The following HTT variants were observed in gnomAD, a reference collection of about 807,000 sequenced individuals.
HTT encodes the protein huntington disease protein.
Under a neutral mutation model 362.3 loss-of-function variants are expected in HTT, and 104 were observed. That is an observed-to-expected ratio of 0.29 (90% CI 0.24 to 0.34). The LOEUF (loss-of-function observed/expected upper bound fraction) is 0.34, where lower values mean the gene tolerates loss of function less well. HTT is among the 10% of genes least tolerant of loss of function. HTT has a pLI of 1.00. For synonymous variants in HTT, 1,577 were observed against 1,548.7 expected (o/e 1.02, Z -0.43); for missense variants, 3,301 against 3,928.6 (o/e 0.84, Z 4.27).
Position 3,182,405 on chromosome 4 carries a change from G to C in HTT, c.4801G>C (p.Asp1601His). 6.2e-7 allele frequency: 1 copy of C among 1,614,126 alleles called. No individual in the cohort carries two copies. Among genetic ancestry groups the C allele is most frequent in the Non-Finnish European group, 8.5e-7 (1 of 1,179,938 alleles). The change falls in exon 37 of 67, where the codon GAC becomes CAC. Residue 1601 changes from aspartate (D) to histidine (H), a missense_variant. Asp to His is a moderately conservative substitution (Grantham distance 81). This residue lies in a region of HTT where 2,316 missense variants were observed against 2,658.5 expected (regional missense o/e 0.87). Coordinates refer to ENST00000355072, the MANE Select transcript of HTT (RefSeq NM_001388492.1). ...GCAGCAGTGCCACAAGGAGAATGAA[G>C]ACAAGTGGAAGCGACTGTCTCGACA... ...VLQQCHKENE[D>H]KWKRLSRQIA...
rs1194362163 is a variant in HTT, at chr4:3,199,846, C to T, written c.5483C>T (p.Thr1828Ile). The change falls in exon 41 of 67, where the codon ACC (threonine) becomes ATC (isoleucine). Residue 1828 changes from threonine (T) to isoleucine (I), a missense_variant. Thr to Ile is a moderately conservative substitution (Grantham distance 89, BLOSUM62 -1). Transcript: ENST00000355072. Reference sequence around the variant, plus strand: ...TTGCGGGCTCGTTCCATGATCACCACCCACCCGGCCCTGGTGCTGCTCTGG... The same window carrying T: ...TTGCGGGCTCGTTCCATGATCACCATCCACCCGGCCCTGGTGCTGCTCTGG... ...LNLRARSMIT[T>I]HPALVLLWCQ... The T allele has an allele frequency of 1.9e-6, 3 of 1,614,082 alleles. No individual in the cohort carries two copies. The highest frequency in any genetic ancestry group is 1.3e-5 in the African/African-American group (1 of 74,938).
intron 20 of HTT, 62 bp downstream of exon 20, chr4:3,136,029 C>A: frequency 1.6e-6 from 2 of 1,233,564 alleles, no homozygotes; most frequent in South Asian, 2.8e-5. Context: ...TGAGGCTTTC[C>A]TTGTGGAATT....
intron 37 of HTT, 25 bp from the exon 38 acceptor site, chr4:3,186,572 A>G (rs777254350): frequency 3.1e-6 from 5 of 1,609,648 alleles, no homozygotes; most frequent in Non-Finnish European, 4.2e-6. Flanking sequence ...TTACGTAGAA[A>G]TGTTTGTGGT....
Position 3,229,892 on chromosome 4 carries a change from A to G in HTT, c.8115A>G (p.Leu2705=), listed in dbSNP as rs536877956. 3.7e-6 allele frequency: 6 copies of G among 1,614,004 alleles called. No individual in the cohort carries two copies. Among genetic ancestry groups the G allele is most frequent in the Admixed American group, 1.7e-5 (1 of 60,014 alleles). Reference sequence around the variant, plus strand: ...CTGGTTTTCCACATCTCCAGCTTCTAGTGGTCTCAGACTTGTTCACCGAGC... The same window carrying G: ...CTGGTTTTCCACATCTCCAGCTTCTGGTGGTCTCAGACTTGTTCACCGAGC... The part of the protein sequence containing the change: ...ILISEVVRSL[L]VVSDLFTERN... Residue 2705 remains leucine, a synonymous_variant, in exon 60 of 67, where the codon CTA becomes CTG. Coordinates refer to ENST00000355072, the MANE Select transcript of HTT (RefSeq NM_001388492.1).
chr4:3,112,776 G>C, intron 6 of HTT, among the ~76,000 whole-genome samples: 1 of 152,186 alleles, frequency 6.6e-6, no homozygotes, highest in East Asian at 1.9e-4. Flanking sequence ...AGGTGGAGTT[G>C]TTGGGTGATA....
intron 37 of HTT, among the ~76,000 whole-genome samples, chr4:3,184,412 C>G (rs961479175): frequency 6.6e-6 from 1 of 151,832 alleles, no homozygotes; most frequent in African/African-American, 2.4e-5. Flanking sequence ...TAGGTTTTAG[C>G]AGGATCATTC....
chr4:3,109,582 A>AT (rs1351412779), intron 6 of HTT, among the ~76,000 whole-genome samples: 1 of 151,432 alleles, frequency 6.6e-6, no homozygotes, highest in Non-Finnish European at 1.5e-5. Context: ...AATTTTAGAC[A>AT]TTTTTTTACT....
At chr4:3,215,344 C>G in intron 51 of HTT, 133 bp downstream of exon 51, 1 of 639,658 alleles carries the variant, frequency 1.6e-6, no homozygotes, top group Non-Finnish European at 2.7e-6. Context: ...TGCTGCTCCT[C>G]CCTAGCTGTC....
At chr4:3,148,580 G>A (rs1216629056) in intron 26 of HTT, among the ~76,000 whole-genome samples, 3 of 152,024 alleles carry the variant, frequency 2.0e-5, no homozygotes, top group African/African-American at 7.2e-5. Context: ...GGCGGATCAC[G>A]AGGTCAAGAG....
Position 3,224,790 on chromosome 4 carries a change from A to G in HTT, c.7765+659A>G, listed in dbSNP as rs555682566. Among the ~76,000 whole-genome samples the G allele has an allele frequency of 1.1e-4, 16 of 152,348 alleles. No homozygotes were observed. The South Asian group carries it at 2.9e-3, about 28-fold the overall frequency. On this transcript the variant is annotated intron_variant, in intron 56 of 66. Transcript: ENST00000355072. ...GCAGAAAGTTCTATGTGGACGTGCA[A>G]TGTGTTATACGCAGTGTCTATGAGA...
At chr4:3,225,203 G>A (rs1021981357) in intron 56 of HTT, among the ~76,000 whole-genome samples, 1 of 152,156 alleles carries the variant, frequency 6.6e-6, no homozygotes, top group Non-Finnish European at 1.5e-5. Context: ...TCCCGCTCCT[G>A]CCGGCTGTAT....
At chr4:3,236,475 G>A (rs959109836) in intron 64 of HTT, among the ~76,000 whole-genome samples, 2 of 152,318 alleles carry the variant, frequency 1.3e-5, no homozygotes, top group East Asian at 3.9e-4. Flanking sequence ...CCAGTTCCAA[G>A]GTTGTCCCAG....
intron 9 of HTT, among the ~76,000 whole-genome samples, chr4:3,122,035 A>G (rs755413727): frequency 6.6e-6 from 1 of 152,176 alleles, no homozygotes; most frequent in Non-Finnish European, 1.5e-5. Context: ...CAGGATCCTC[A>G]TGTTAATTTG....
chr4:3,170,253 A>G (rs2110229172), intron 29 of HTT, among the ~76,000 whole-genome samples: 1 of 152,270 alleles, frequency 6.6e-6, no homozygotes, highest in East Asian at 1.9e-4. Context: ...GTCTTGCTTT[A>G]TAATTTGTCA....
In HTT at chr4:3,148,172, G is replaced by A. The variant is rs373038776; in HGVS notation, c.3463G>A (p.Val1155Ile). The A allele has an allele frequency of 1.7e-5, 27 of 1,605,180 alleles. No homozygotes were observed. Among genetic ancestry groups the A allele is most frequent in the East Asian group, 1.1e-4 (5 of 44,606 alleles). ...LLKVINICAHVLDDVAPGPAI... is the reference protein window; with the variant it reads ...LLKVINICAHILDDVAPGPAI... Reference sequence around the variant, plus strand: ...GAAGGTGATTAACATTTGTGCCCACGTCCTGGATGACGTGGCTCCTGGACC... The same window carrying A: ...GAAGGTGATTAACATTTGTGCCCACATCCTGGATGACGTGGCTCCTGGACC... Residue 1155 changes from valine (V) to isoleucine (I), a missense_variant, in exon 26 of 67, where the codon GTC (valine) becomes ATC (isoleucine). Physicochemically the swap from Val to Ile is conservative, Grantham distance 29. Coordinates refer to ENST00000355072, the MANE Select transcript of HTT (RefSeq NM_001388492.1).
At chr4:3,141,026 C>G (rs1190400589) in intron 22 of HTT, among the ~76,000 whole-genome samples, 1 of 152,158 alleles carries the variant, frequency 6.6e-6, no homozygotes, top group African/African-American at 2.4e-5. Flanking sequence ...TTTTGGTGAG[C>G]GGGCTATTAA....
chr4:3,181,143 A>G (rs1157311903), intron 36 of HTT, among the ~76,000 whole-genome samples: 1 of 151,972 alleles, frequency 6.6e-6, no homozygotes, highest in Non-Finnish European at 1.5e-5. Flanking sequence ...TGGCCTCCCA[A>G]AGTGCTAGGA....
intron 22 of HTT, among the ~76,000 whole-genome samples, chr4:3,142,024 G>A (rs1039602022): frequency 6.6e-6 from 1 of 152,214 alleles, no homozygotes; most frequent in East Asian, 1.9e-4. Context: ...TGCCAACTGA[G>A]ATATCATTAA....
Position 3,223,403 on chromosome 4 carries a change from C to T in HTT, c.7471-3C>T, listed in dbSNP as rs1354663850. 2 of 1,572,838 alleles carry T rather than the reference C, an allele frequency of 1.3e-6. No individual in the cohort carries two copies. Among genetic ancestry groups the T allele is most frequent in the South Asian group, 2.3e-5 (2 of 85,840 alleles). ...CTTGTTGACATGTGGGCTCTCCTTCCAGGAAGACACAGAGAGGACCCAGAT... is the reference window on the plus strand; with the variant it reads ...CTTGTTGACATGTGGGCTCTCCTTCTAGGAAGACACAGAGAGGACCCAGAT... On this transcript the variant is annotated splice_polypyrimidine_tract_variant and splice_region_variant and intron_variant, in intron 54 of 66. Transcript: ENST00000355072.
Sources: gnomAD v4.1 joint callset for allele counts (sites outside exome capture counted in the v4.1 genomes callset) on GRCh38, gnomAD v4.1.1 for gene constraint, gnomAD v4.1.1 regional missense constraint, MANE v1.5 for transcripts, NCBI Gene and HGNC (gene_info 2026-07-23, HGNC 2026-07-21) for gene names.